JAZF1: variants seen among roughly 807,000 people sequenced by gnomAD.
The protein encoded by JAZF1 is juxtaposed with another zinc finger protein 1.
Under a neutral mutation model 26.4 loss-of-function variants are expected in JAZF1, and 8 were observed. That is an observed-to-expected ratio of 0.30 (90% CI 0.18 to 0.55). The LOEUF (loss-of-function observed/expected upper bound fraction) is 0.55. JAZF1 is among the 20% of genes least tolerant of loss of function. JAZF1 has a pLI of 0.94. For missense variants in JAZF1, 199 were observed against 322.0 expected (o/e 0.62, Z 2.92); for synonymous variants, 126 against 122.3 (o/e 1.03, Z -0.20).
intron 3 of JAZF1, among the ~76,000 whole-genome samples, chr7:27,861,701 T>A (rs1268181790): frequency 6.6e-6 from 1 of 152,206 alleles, no homozygotes; most frequent in Admixed American, 6.5e-5. Flanking sequence ...CTGGAAGCCA[T>A]TCCCAAACCT....
chr7:28,139,199 C>T (rs1228273628), intron 1 of JAZF1, among the ~76,000 whole-genome samples: 1 of 152,198 alleles, frequency 6.6e-6, no homozygotes, highest in East Asian at 1.9e-4. Context: ...CCCACTCCAT[C>T]TATGAAGCTG....
chr7:27,898,572 G>C (rs1252857809), intron 2 of JAZF1, among the ~76,000 whole-genome samples: 5 of 151,890 alleles, frequency 3.3e-5, no homozygotes, highest in African/African-American at 1.2e-4. Flanking sequence ...CCCAAGTGCT[G>C]GGATTACAGA....
intron 1 of JAZF1, among the ~76,000 whole-genome samples, chr7:28,085,899 G>A (rs1236496877): frequency 6.6e-6 from 1 of 152,214 alleles, no homozygotes; most frequent in Non-Finnish European, 1.5e-5. Flanking sequence ...TACACCTGCT[G>A]TGGTCAGTTT....
intron 2 of JAZF1, among the ~76,000 whole-genome samples, chr7:27,975,553 T>C (rs538402890): frequency 3.9e-5 from 6 of 152,264 alleles, no homozygotes; most frequent in Admixed American, 1.3e-4. Flanking sequence ...CTCTGGTCAA[T>C]AGGTCAACTT....
intron 1 of JAZF1, among the ~76,000 whole-genome samples, chr7:28,110,553 AGGAAAGGGAAAGGAAAAGGGAAAG>A (rs1784639361): frequency 5.3e-5 from 3 of 56,108 alleles, no homozygotes; most frequent in Admixed American, 2.5e-4. Context: ...GAAAAGGAAA[AGGAAAGGGAAAGGAAAAGGGAAAG>A]GGAAAAGGAA....
chr7:28,005,716 G>C (rs1782689294), intron 1 of JAZF1, among the ~76,000 whole-genome samples: 1 of 151,792 alleles, frequency 6.6e-6, no homozygotes, highest in South Asian at 2.1e-4. Context: ...TAATGAGTAG[G>C]GGAGCATGCT....
chr7:27,838,086 T>G (rs1782852284), intron 4 of JAZF1, among the ~76,000 whole-genome samples: 1 of 151,952 alleles, frequency 6.6e-6, no homozygotes, highest in African/African-American at 2.4e-5. Flanking sequence ...GTTACTTCTC[T>G]AAAAATGTAC....
intron 1 of JAZF1, among the ~76,000 whole-genome samples, chr7:28,109,401 T>G (rs1445597464): frequency 6.6e-6 from 1 of 152,168 alleles, no homozygotes; most frequent in Non-Finnish European, 1.5e-5. Context: ...AAAAAAATAA[T>G]AATTTAAAAA....
At chr7:27,849,142 G>A (rs374563774) in intron 3 of JAZF1, among the ~76,000 whole-genome samples, 5 of 152,222 alleles carry the variant, frequency 3.3e-5, no homozygotes, top group Non-Finnish European at 5.9e-5. Context: ...CCTGTGTGAC[G>A]GGGAGAACAG....
At position 27,899,589 on chromosome 7, in the gene JAZF1, C is replaced by T. The variant is rs754471697; in HGVS notation, c.189-4173G>A. ...AGCTGAGACTACAGGCACGCCCCCCCATGCCCAGGTAATTTTTGGATTTTT... is the reference window on the plus strand; with the variant it reads ...AGCTGAGACTACAGGCACGCCCCCCTATGCCCAGGTAATTTTTGGATTTTT... On this transcript the variant is annotated intron_variant, in intron 2 of 4. Coordinates refer to ENST00000283928, the MANE Select transcript of JAZF1 (RefSeq NM_175061.4). 4.6e-5 allele frequency among the ~76,000 whole-genome samples: 7 copies of T among 152,132 alleles called. 1 individual carries two copies. The highest frequency in any genetic ancestry group is 7.4e-5 in the Non-Finnish European group (5 of 68,026).
At chr7:28,169,468 G>A (rs1329395743) in intron 1 of JAZF1, among the ~76,000 whole-genome samples, 1 of 152,174 alleles carries the variant, frequency 6.6e-6, no homozygotes, top group Non-Finnish European at 1.5e-5. Flanking sequence ...TAAGTTACAG[G>A]AGGGCTGCAA....
chr7:28,006,467 GT>G (rs1562556824), intron 1 of JAZF1, among the ~76,000 whole-genome samples: 1 of 152,190 alleles, frequency 6.6e-6, no homozygotes, highest in Admixed American at 6.5e-5. Context: ...TAGTGCTTGC[GT>G]TGTGGGACTA....
intron 1 of JAZF1, among the ~76,000 whole-genome samples, chr7:28,003,027 C>G (rs1782632150): frequency 6.6e-6 from 1 of 152,094 alleles, no homozygotes; most frequent in Non-Finnish European, 1.5e-5. Flanking sequence ...CTGAGCACCT[C>G]CAGCCTTCTT....
At chr7:28,102,013 C>T (rs1173798402) in intron 1 of JAZF1, among the ~76,000 whole-genome samples, 1 of 152,112 alleles carries the variant, frequency 6.6e-6, no homozygotes, top group Non-Finnish European at 1.5e-5. Flanking sequence ...GGTGCCTCAT[C>T]AGACATGTCT....
chr7:27,849,744 T>TACACACACACACACACACACACAC (rs1199710288), intron 3 of JAZF1, among the ~76,000 whole-genome samples: 2 of 53,528 alleles, frequency 3.7e-5, no homozygotes, highest in Admixed American at 1.5e-4. Context: ...TTGGAACCCT[T>TACACACACACACACACACACACAC]ACACACAGAC....
At chr7:28,174,176 G>A (rs1783514624) in intron 1 of JAZF1, among the ~76,000 whole-genome samples, 1 of 152,144 alleles carries the variant, frequency 6.6e-6, no homozygotes, top group Non-Finnish European at 1.5e-5. Flanking sequence ...TTGTACACAG[G>A]ACACGTCTGT....
intron 3 of JAZF1, among the ~76,000 whole-genome samples, chr7:27,846,330 T>C (rs561229071): frequency 2.3e-4 from 33 of 146,376 alleles, no homozygotes; most frequent in Non-Finnish European, 4.3e-4. Flanking sequence ...TGTGTATACA[T>C]ATGTACACGT....
At chr7:28,087,736 T>C (rs1784232694) in intron 1 of JAZF1, among the ~76,000 whole-genome samples, 1 of 152,170 alleles carries the variant, frequency 6.6e-6, no homozygotes, top group South Asian at 2.1e-4. Context: ...TTTTTCAAAA[T>C]TCCTAATCAG....
intron 2 of JAZF1, among the ~76,000 whole-genome samples, chr7:27,899,511 C>T (rs548320342): frequency 9.2e-5 from 14 of 152,164 alleles, no homozygotes; most frequent in South Asian, 2.1e-4. Context: ...TACAGTGCAC[C>T]GAAGCACCAA....
Sources: allele counts gnomAD v4.1 joint callset (sites outside exome capture counted in the v4.1 genomes callset), GRCh38; gene constraint gnomAD v4.1.1; transcripts MANE v1.5; gene names NCBI Gene and HGNC (gene_info 2026-07-23, HGNC 2026-07-21).